Variants in ANKRD11 observed in about 807,000 individuals in gnomAD.
ANKRD11 encodes ankyrin repeat domain-containing protein 11.
A neutral mutation model predicts 195.7 loss-of-function variants in ANKRD11; 17 were observed. The observed-to-expected ratio is 0.09, with a 90% CI of 0.06 to 0.13. ANKRD11 has a LOEUF of 0.13. Ranked by LOEUF, ANKRD11 falls within the 10% of genes least tolerant of loss-of-function variation. ANKRD11 has a pLI of 1.00. For missense variants in ANKRD11, 3,735 were observed against 3,566.1 expected, an observed-to-expected ratio of 1.05 and a Z score of -1.21; for synonymous variants, 1,953 against 1,528.1, an observed-to-expected ratio of 1.28 and a Z score of -6.49.
intron 2 of ANKRD11, among the ~76,000 whole-genome samples, chr16:89,346,718 G>A (rs1489770447): frequency 2.0e-5 from 3 of 152,182 alleles, no homozygotes; most frequent in Non-Finnish European, 4.4e-5. Context: ...AGCAAGGTGG[G>A]AGATCCAGGT....
chr16:89,470,160 C>A (rs941932131), intron 1 of ANKRD11, among the ~76,000 whole-genome samples: 3 of 152,078 alleles, frequency 2.0e-5, no homozygotes, highest in East Asian at 3.9e-4. Flanking sequence ...CCTGCCCCGG[C>A]CTCCCAAAGC....
chr16:89,284,911 T>C lies in ANKRD11; in HGVS notation c.1631A>G (p.Lys544Arg), dbSNP rs1320015788. 1 of 1,614,148 alleles carries C rather than the reference T, an allele frequency of 6.2e-7. No homozygotes were observed. The highest frequency in any genetic ancestry group is 1.7e-5 in the Admixed American group (1 of 60,026). The change falls in exon 9 of 13, where the codon AAG becomes AGG. Residue 544 changes from lysine (K) to arginine (R), a missense_variant. Transcript: ENST00000301030. Reference sequence around the variant, plus strand: ...TTTCCAATTGTCTGTCCGCCAGTGCTTGGTGTGCTGGTCTGTGTGGCTGGG... The same window carrying C: ...TTTCCAATTGTCTGTCCGCCAGTGCCTGGTGTGCTGGTCTGTGTGGCTGGG... ...QNPSHTDQHT[K>R]HWRTDNWKTI...
At chr16:89,337,289 G>C (rs961518798) in intron 2 of ANKRD11, among the ~76,000 whole-genome samples, 1 of 151,878 alleles carries the variant, frequency 6.6e-6, no homozygotes, top group African/African-American at 2.4e-5. Context: ...GAAAGGAGAG[G>C]ACTTCAGGTG....
At chr16:89,363,536 A>C (rs772683845) in intron 2 of ANKRD11, among the ~76,000 whole-genome samples, 1 of 152,210 alleles carries the variant, frequency 6.6e-6, no homozygotes, top group Non-Finnish European at 1.5e-5. Flanking sequence ...AGGGGGAAAA[A>C]AAACCTTACA....
rs1301569580 is a variant in ANKRD11 at position 89,282,801 on chromosome 16, A to G, written c.3741T>C (p.Ala1247=). ...KLPEKAEKKH[A]AEDKAKSKHK... ...GTTTGCTTTTAGCCTTGTCTTCGGC[A>G]GCGTGCTTCTTTTCAGCCTTCTCGG... The change falls in exon 9 of 13, where the codon GCT becomes GCC. Residue 1247 remains alanine (A), a synonymous_variant. Transcript: ENST00000301030. 2 of 1,610,172 alleles carry G rather than the reference A, an allele frequency of 1.2e-6. No homozygotes were observed. Among genetic ancestry groups the G allele is most frequent in the South Asian group, 1.1e-5 (1 of 90,958 alleles).
intron 12 of ANKRD11, 101 bp downstream of exon 12, chr16:89,270,716 G>A: frequency 8.6e-7 from 1 of 1,165,568 alleles, no homozygotes; most frequent in Non-Finnish European, 1.3e-6. Context: ...GAACTGGGCA[G>A]CGGCCTCCCC....
chr16:89,337,426 A>ATTTTTTTTT (rs763560924), intron 2 of ANKRD11, among the ~76,000 whole-genome samples: 59 of 43,742 alleles, frequency 1.3e-3, no homozygotes, highest in Non-Finnish European at 2.0e-3. Context: ...GGTCTAAGCA[A>ATTTTTTTTT]TTCTTTTTTT....
intron 3 of ANKRD11, among the ~76,000 whole-genome samples, chr16:89,315,752 CA>C (rs566860501): frequency 7.2e-4 from 109 of 152,326 alleles, no homozygotes; most frequent in South Asian, 5.0e-3. Flanking sequence ...TCCGTATTCA[CA>C]AAATGCTTCA....
intron 3 of ANKRD11, among the ~76,000 whole-genome samples, chr16:89,310,420 T>C (rs1346553455): frequency 6.6e-6 from 1 of 152,246 alleles, no homozygotes; most frequent in Non-Finnish European, 1.5e-5. Flanking sequence ...TTGGTTATTC[T>C]AGGTCTTTTC....
chr16:89,368,382 T>TG (rs1567708833), intron 2 of ANKRD11, among the ~76,000 whole-genome samples: 8 of 131,404 alleles, frequency 6.1e-5, no homozygotes, highest in African/African-American at 2.5e-4. Context: ...TTTTTTTTTT[T>TG]TTTTTTTTTT....
Position 89,284,245 on chromosome 16 carries a change from T to A in ANKRD11, c.2297A>T (p.Lys766Met). 1 of 1,613,618 alleles carries A rather than the reference T, an allele frequency of 6.2e-7. No individual in the cohort carries two copies. Among genetic ancestry groups the A allele is most frequent in the South Asian group, 1.1e-5 (1 of 90,800 alleles). Residue 766 changes from lysine to methionine, a missense_variant, in exon 9 of 13, where the codon AAG becomes ATG. By Grantham distance (95) the Lys-to-Met change is moderately conservative. Transcript: ENST00000301030. The part of the protein sequence containing the change: ...EKLRLYKEER[K>M]KKSKDRPSKL... ...TGAGGGCCGGTCTTTTGATTTCTTC[T>A]TTCTCTCCTCTTTGTACAGTCTCAG...
chr16:89,338,545 A>T (rs1467156394), intron 2 of ANKRD11, among the ~76,000 whole-genome samples: 2 of 151,858 alleles, frequency 1.3e-5, no homozygotes, highest in South Asian at 2.1e-4. Context: ...CCTGGCCAAC[A>T]TGATGACTGT....
In ANKRD11 at chr16:89,280,818, G is replaced by A. The variant is rs1597444306; in HGVS notation, c.5724C>T (p.Pro1908=). ...LLVPSLEGAL[P]PDLDTSEDQQ... ...GGTCCTCGGAGGTGTCCAGGTCCGG[G>A]GGAAGGGCCCCTTCGAGGGAAGGAA... is the stretch of plus-strand genomic sequence containing the variant. The change falls in exon 9 of 13, where the codon CCC becomes CCT. Residue 1908 remains proline, a synonymous_variant. Transcript: ENST00000301030. 1.2e-6 allele frequency: 2 copies of A among 1,603,200 alleles called. No individual in the cohort carries two copies. The highest frequency in any genetic ancestry group is 2.2e-5 in the South Asian group (2 of 90,716).
chr16:89,482,730 T>C (rs2057483202), intron 1 of ANKRD11, among the ~76,000 whole-genome samples: 1 of 152,152 alleles, frequency 6.6e-6, no homozygotes, highest in Non-Finnish European at 1.5e-5. Flanking sequence ...AGGTCGACGC[T>C]GCAGTGAGCC....
chr16:89,307,392 T>A (rs1250824667), intron 3 of ANKRD11, among the ~76,000 whole-genome samples: 2 of 152,130 alleles, frequency 1.3e-5, no homozygotes, highest in African/African-American at 4.8e-5. Context: ...ATCTGAGACA[T>A]CCCTGAGTGA....
intron 9 of ANKRD11, chr16:89,277,874 T>TG (rs1417457120): frequency 1.3e-5 from 2 of 155,230 alleles, no homozygotes; most frequent in African/African-American, 4.8e-5. Context: ...ACCAGGGGGG[T>TG]GCTGGGTAGC....
At chr16:89,486,797 G>C (rs1555603673) in intron 1 of ANKRD11, among the ~76,000 whole-genome samples, 1 of 152,048 alleles carries the variant, frequency 6.6e-6, no homozygotes, top group Non-Finnish European at 1.5e-5. Context: ...CTTGAGGTCA[G>C]GAGTTTGAAA....
chr16:89,334,000 A>C (rs2038200680), intron 2 of ANKRD11, among the ~76,000 whole-genome samples: 1 of 152,050 alleles, frequency 6.6e-6, no homozygotes, highest in African/African-American at 2.4e-5. Context: ...GATATATCTA[A>C]GTTTCTCAAT....
intron 11 of ANKRD11, among the ~76,000 whole-genome samples, chr16:89,273,264 C>T (rs149809197): frequency 1.2e-4 from 18 of 152,224 alleles, no homozygotes; most frequent in Admixed American, 9.8e-4. Flanking sequence ...GTTAGAGGCA[C>T]GAGCTGGTCC....
Sources: gnomAD v4.1 joint callset for allele counts (sites outside exome capture counted in the v4.1 genomes callset) on GRCh38, gnomAD v4.1.1 for gene constraint, MANE v1.5 for transcripts, NCBI Gene and HGNC (gene_info 2026-07-23, HGNC 2026-07-21) for gene names.